PLCB1: variants seen among roughly 807,000 people sequenced by gnomAD.
The protein encoded by PLCB1 is 1-phosphatidylinositol 4,5-bisphosphate phosphodiesterase beta-1.
A neutral mutation model predicts 161.8 loss-of-function variants in PLCB1; 46 were observed. The observed-to-expected ratio is 0.28, with a 90% confidence interval of 0.22 to 0.36. The LOEUF (loss-of-function observed/expected upper bound fraction) is 0.36. Among genes scored for constraint, PLCB1 ranks in the 10% least tolerant of loss-of-function variants. The probability of loss-of-function intolerance (pLI) is 1.00; values close to 1 mark genes in which losing one functional copy is unlikely to be tolerated. For missense variants in PLCB1, 1,016 were observed against 1,472.5 expected, an observed-to-expected ratio of 0.69 and a Z score of 5.07; for synonymous variants, 517 against 503.7, an observed-to-expected ratio of 1.03 and a Z score of -0.35.
chr20:8,607,766 CAT>C (rs1056492970), intron 3 of PLCB1, among the ~76,000 whole-genome samples: 4 of 152,250 alleles, frequency 2.6e-5, no homozygotes, highest in African/African-American at 4.8e-5. Context: ...GTGCCTGACA[CAT>C]GTTTTGCCTT....
At position 8,529,762 on chromosome 20, in the gene PLCB1, C is replaced by T. The variant is rs143310447; in HGVS notation, c.247-98532C>T. The stretch of plus-strand genomic sequence containing the variant: ...GATGTAATATTTTCAAATAGTTTAA[C>T]GTACGTTTCTGTGCTGATTACTTTT... On this transcript the variant is annotated intron_variant, in intron 3 of 31. Transcript: ENST00000338037. 1.6e-4 allele frequency among the ~76,000 whole-genome samples: 25 copies of T among 152,170 alleles called. No homozygotes were observed. In the East Asian group the frequency reaches 3.7e-3, roughly 22 times the overall value.
chr20:8,555,315 T>C (rs1182882964), intron 3 of PLCB1, among the ~76,000 whole-genome samples: 1 of 152,048 alleles, frequency 6.6e-6, no homozygotes, highest in Non-Finnish European at 1.5e-5. Context: ...AAGTCAATGA[T>C]AGGAGCTTTG....
At chr20:8,838,270 C>G (rs554145300) in intron 31 of PLCB1, among the ~76,000 whole-genome samples, 1 of 152,188 alleles carries the variant, frequency 6.6e-6, no homozygotes, top group East Asian at 1.9e-4. Flanking sequence ...CCAAATGGAC[C>G]TATGGTGTTT....
chr20:8,472,943 A>T (rs569133479), intron 3 of PLCB1, among the ~76,000 whole-genome samples: 4 of 152,264 alleles, frequency 2.6e-5, no homozygotes, highest in Non-Finnish European at 4.4e-5. Context: ...CATGATTCAC[A>T]TGGCCGGCAT....
At chr20:8,162,099 T>G (rs1053333488) in intron 2 of PLCB1, among the ~76,000 whole-genome samples, 8 of 152,312 alleles carry the variant, frequency 5.3e-5, no homozygotes, top group Admixed American at 5.2e-4. Flanking sequence ...ATCAAAATAG[T>G]TTTTTTATTA....
chr20:8,684,501 G>T (rs1382458934), intron 9 of PLCB1, among the ~76,000 whole-genome samples: 8 of 149,534 alleles, frequency 5.3e-5, no homozygotes, highest in African/African-American at 9.9e-5. Context: ...TGATCCACAC[G>T]CCTCAGCCTC....
At chr20:8,540,324 C>T (rs1019844170) in intron 3 of PLCB1, among the ~76,000 whole-genome samples, 2 of 152,048 alleles carry the variant, frequency 1.3e-5, no homozygotes, top group Admixed American at 6.6e-5. Context: ...ACTTTTCTGA[C>T]GTGGTGAAGC....
intron 2 of PLCB1, among the ~76,000 whole-genome samples, chr20:8,235,029 C>T (rs1011922212): frequency 6.6e-6 from 1 of 152,026 alleles, no homozygotes; most frequent in African/African-American, 2.4e-5. Flanking sequence ...TGTTATGTCT[C>T]CTCAAAGATA....
intron 31 of PLCB1, among the ~76,000 whole-genome samples, chr20:8,850,073 T>C (rs1466781689): frequency 1.3e-5 from 2 of 152,218 alleles, no homozygotes; most frequent in East Asian, 3.8e-4. Context: ...ACCACTACTC[T>C]AAACCAGCTC....
chr20:8,321,033 AG>A (rs1984897342), intron 2 of PLCB1, among the ~76,000 whole-genome samples: 4 of 140,842 alleles, frequency 2.8e-5, no homozygotes, highest in Admixed American at 7.4e-5. Context: ...AGAAAGAAAG[AG>A]AGAGAGGAGA....
At chr20:8,716,809 C>T (rs1412438644) in intron 13 of PLCB1, among the ~76,000 whole-genome samples, 1 of 152,184 alleles carries the variant, frequency 6.6e-6, no homozygotes, top group East Asian at 1.9e-4. Context: ...TCGCCCATTG[C>T]ATTGATGATA....
chr20:8,199,434 A>G (rs1356555990), intron 2 of PLCB1, among the ~76,000 whole-genome samples: 1 of 152,188 alleles, frequency 6.6e-6, no homozygotes, highest in Non-Finnish European at 1.5e-5. Flanking sequence ...TCCACCATGA[A>G]TGTATGAATG....
chr20:8,739,902 C>T (rs906817930), intron 21 of PLCB1, among the ~76,000 whole-genome samples: 1 of 152,168 alleles, frequency 6.6e-6, no homozygotes, highest in Non-Finnish European at 1.5e-5. Flanking sequence ...TGGTGGCTCA[C>T]GCCTATAATC....
intron 31 of PLCB1, among the ~76,000 whole-genome samples, chr20:8,853,582 T>G (rs3926758): frequency 0.49 from 75,081 of 151,880 alleles, 18,972 homozygotes; most frequent in East Asian, 0.7. Context: ...ATTTACCCAT[T>G]CCACTGTTGA....
In PLCB1 at chr20:8,881,608, T is replaced by TTGA; in HGVS notation, c.3424-11_3424-9dup. On this transcript the variant is annotated splice_polypyrimidine_tract_variant and intron_variant, in intron 31 of 31. Coordinates refer to ENST00000338037, the MANE Select transcript of PLCB1 (RefSeq NM_015192.4). Reference sequence around the variant, plus strand: ...AAACAACTTCAAGTCATCTCCCCTCTTGATGTCTCTCAGCTGCAGGTGGAG... The same window carrying TTGA: ...AAACAACTTCAAGTCATCTCCCCTCTTGATGATGTCTCTCAGCTGCAGGTGGAG... 1 of 1,601,172 alleles carries TTGA rather than the reference T, an allele frequency of 6.2e-7. No individual in the cohort carries two copies. The highest frequency in any genetic ancestry group is 8.6e-7 in the Non-Finnish European group (1 of 1,168,212).
chr20:8,870,495 TGGAATATATGCA>T (rs1412980963), intron 31 of PLCB1, among the ~76,000 whole-genome samples: 1 of 152,198 alleles, frequency 6.6e-6, no homozygotes, highest in Non-Finnish European at 1.5e-5. Flanking sequence ...GGCGGTTTCA[TGGAATATATGCA>T]TATATAGAGG....
chr20:8,136,579 T>C (rs901540375), intron 1 of PLCB1, among the ~76,000 whole-genome samples: 1 of 150,502 alleles, frequency 6.6e-6, no homozygotes, highest in Admixed American at 6.6e-5. Context: ...TGAGCCGAGA[T>C]CGCGCCACTG....
chr20:8,442,427 T>C (rs1173816563), intron 3 of PLCB1, among the ~76,000 whole-genome samples: 4 of 152,192 alleles, frequency 2.6e-5, no homozygotes, highest in Non-Finnish European at 1.5e-5. Context: ...ATAAAGGCCT[T>C]AATCTCATCT....
At chr20:8,437,949 A>G (rs1433152331) in intron 3 of PLCB1, among the ~76,000 whole-genome samples, 1 of 152,196 alleles carries the variant, frequency 6.6e-6, no homozygotes, top group Non-Finnish European at 1.5e-5. Flanking sequence ...GTCCAAACAG[A>G]CTATGCCATT....
Sources: gnomAD v4.1 joint callset for allele counts (sites outside exome capture counted in the v4.1 genomes callset) on GRCh38, gnomAD v4.1.1 for gene constraint, MANE v1.5 for transcripts, NCBI Gene and HGNC (gene_info 2026-07-23, HGNC 2026-07-21) for gene names.